PRKDC: variants seen among roughly 807,000 people sequenced by gnomAD.
PRKDC encodes DNA-dependent protein kinase catalytic subunit.
Under a neutral mutation model 486.9 loss-of-function variants are expected in PRKDC, and 82 were observed. That is an observed-to-expected ratio of 0.17 (90% CI 0.14 to 0.20). PRKDC has a LOEUF of 0.20. PRKDC is among the 10% of genes least tolerant of loss of function. The pLI is 1.00. For synonymous variants in PRKDC, 1,895 were observed against 1,837.0 expected, an observed-to-expected ratio of 1.03 and a Z score of -0.81; for missense variants, 4,504 against 5,038.2, an observed-to-expected ratio of 0.89 and a Z score of 3.21.
Position 47,890,281 on chromosome 8 carries a change from T to C in PRKDC, c.4047A>G (p.Leu1349=). Residue 1349 remains leucine (L), a synonymous_variant, in exon 32 of 86, where the codon CTA becomes CTG. Coordinates refer to ENST00000314191, the MANE Select transcript of PRKDC (RefSeq NM_006904.7). The part of the protein sequence containing the change: ...VRIMEFTTTL[L]NTSPEGWKLL... ...CCTTCCATCCTTCCGGGGAGGTGTT[T>C]AGCAGAGTCGTGGTAAACTCCATAA... The C allele has an allele frequency of 6.2e-7, 1 of 1,612,002 alleles. No individual in the cohort carries two copies. The highest frequency in any genetic ancestry group is 1.1e-5 in the South Asian group (1 of 90,818).
intron 46 of PRKDC, among the ~76,000 whole-genome samples, chr8:47,859,276 T>C (rs1182133301): frequency 6.6e-6 from 1 of 152,086 alleles, no homozygotes; most frequent in Non-Finnish European, 1.5e-5. Context: ...CCCCCATCTA[T>C]GGTCACTCCT....
intron 45 of PRKDC, 122 bp downstream of exon 45, chr8:47,860,777 G>C: frequency 1.5e-6 from 1 of 673,194 alleles, no homozygotes; most frequent in Non-Finnish European, 2.4e-6. Context: ...AATGTTTTAG[G>C]GTACTTAAAG....
chr8:47,904,604 C>T (rs564014425), intron 26 of PRKDC, among the ~76,000 whole-genome samples: 1 of 152,216 alleles, frequency 6.6e-6, no homozygotes, highest in Admixed American at 6.5e-5. Flanking sequence ...CCAGCCTGGC[C>T]AACAAAGTGA....
intron 1 of PRKDC, chr8:47,959,242 A>C (rs1393554266): frequency 6.6e-6 from 1 of 152,258 alleles, no homozygotes; most frequent in Non-Finnish European, 1.5e-5. Flanking sequence ...CAAAGGGGAA[A>C]AAGTTCCCAC....
At chr8:47,947,012 T>G (rs1563818637) in intron 7 of PRKDC, among the ~76,000 whole-genome samples, 1 of 152,138 alleles carries the variant, frequency 6.6e-6, no homozygotes, top group African/African-American at 2.4e-5. Context: ...AGATCCCAGC[T>G]CAGAAAACTG....
chr8:47,915,355 C>T lies in PRKDC; in HGVS notation c.2590G>A (p.Gly864Arg). ...RVVQMLGSLG[G>R]QINKNLLTVT... is the part of the protein sequence containing the mutation. ...GTCAGAAGATTTTTGTTTATTTGTC[C>T]TCCTAGAGATCCAAGCATTTGTACT... Residue 864 changes from glycine (G) to arginine (R), a missense_variant, in exon 23 of 86, where the codon GGA (glycine) becomes AGA (arginine). Transcript: ENST00000314191. 6.4e-7 allele frequency: 1 copy of T among 1,562,542 alleles called. No individual in the cohort carries two copies. Among genetic ancestry groups the T allele is most frequent in the Non-Finnish European group, 8.7e-7 (1 of 1,150,250 alleles).
intron 45 of PRKDC, among the ~76,000 whole-genome samples, chr8:47,860,627 G>A (rs1444919725): frequency 6.6e-6 from 1 of 152,184 alleles, no homozygotes; most frequent in Non-Finnish European, 1.5e-5. Flanking sequence ...AGCTAATTTT[G>A]TATTTTTAAA....
chr8:47,914,106 T>C, intron 23 of PRKDC, 42 bp from the exon 24 acceptor site: 1 of 1,383,460 alleles, frequency 7.2e-7, no homozygotes. Context: ...CTTTTTTTCT[T>C]TTTATTAGTG....
In PRKDC at chr8:47,807,289, G is replaced by A. The variant is rs767957426; in HGVS notation, c.9595C>T (p.Pro3199Ser). 2 of 1,600,160 alleles carry A rather than the reference G, an allele frequency of 1.2e-6. No homozygotes were observed. The highest frequency in any genetic ancestry group is 1.1e-5 in the South Asian group (1 of 88,956). Residue 3199 changes from proline to serine, a missense_variant, in exon 69 of 86, where the codon CCT becomes TCT. This residue lies in a region of PRKDC where 1,592 missense variants were observed against 1,724.6 expected (regional missense o/e 0.92). Transcript: ENST00000314191. Reference sequence around the variant, plus strand: ...TTCATACTATTATCTTCTGGAAGAGGGGTAAGCTTCTCCTCTATTTTGCTG... The same window carrying A: ...TTCATACTATTATCTTCTGGAAGAGAGGTAAGCTTCTCCTCTATTTTGCTG... ...FLSKIEEKLT[P>S]LPEDNSMNVD... is the part of the protein sequence containing the mutation.
chr8:47,922,069 C>T (rs568980261), intron 21 of PRKDC, among the ~76,000 whole-genome samples: 11 of 151,336 alleles, frequency 7.3e-5, no homozygotes, highest in African/African-American at 2.7e-4. Flanking sequence ...GCGTGAGCCA[C>T]TGCACCCAGC....
chr8:47,958,717 G>A (rs2090754815), intron 1 of PRKDC, among the ~76,000 whole-genome samples: 2 of 151,748 alleles, frequency 1.3e-5, no homozygotes, highest in South Asian at 2.1e-4. Context: ...AGTACATATA[G>A]GATACATGTA....
intron 30 of PRKDC, among the ~76,000 whole-genome samples, chr8:47,895,312 G>T (rs557020041): frequency 9.8e-5 from 15 of 152,296 alleles, no homozygotes; most frequent in African/African-American, 3.4e-4. Flanking sequence ...ATCAAGGAAG[G>T]CTCCTTAATG....
rs1177830238 is a variant in PRKDC, at chr8:47,800,881, C to T, written c.10028G>A (p.Ser3343Asn). ...TYRIIANALS[S>N]EPACLAEIEE... ...GATTTCAGCAAGGCAGGCTGGCTCA[C>T]TGCTGAGAGCATTCGCTATGATCCT... is the stretch of plus-strand genomic sequence containing the variant. The change falls in exon 71 of 86, where the codon AGT becomes AAT. Residue 3343 changes from serine (S) to asparagine (N), a missense_variant. By Grantham distance (46) the Ser-to-Asn change is conservative (BLOSUM62 1). Around this residue, in one of 6 missense-constraint regions of PRKDC, gnomAD observed 1,592 missense variants for 1,724.6 expected, o/e 0.92. Coordinates refer to ENST00000314191, the MANE Select transcript of PRKDC (RefSeq NM_006904.7). 6.2e-7 allele frequency: 1 copy of T among 1,613,774 alleles called. No individual in the cohort carries two copies. Among genetic ancestry groups the T allele is most frequent in the Admixed American group, 1.7e-5 (1 of 59,990 alleles).
At chr8:47,882,540 C>T (rs1047596959) in intron 36 of PRKDC, among the ~76,000 whole-genome samples, 11 of 152,176 alleles carry the variant, frequency 7.2e-5, no homozygotes, top group African/African-American at 2.7e-4. Context: ...AACATGCACC[C>T]AAGCACATAC....
chr8:47,839,994 A>T, intron 55 of PRKDC, 22 bp downstream of exon 55: 1 of 1,500,858 alleles, frequency 6.7e-7, no homozygotes, highest in Non-Finnish European at 9.0e-7. Flanking sequence ...TAACAAAATA[A>T]AATAGTCAAT....
rs555977984 is a variant in PRKDC at position 47,894,911 on chromosome 8, C to CA, written c.3599-1525dup. On this transcript the variant is annotated intron_variant, in intron 30 of 85. Transcript: ENST00000314191. ...TATTAATACCAAGACCCTATCTCTA[C>CA]AAAAAAACTTAAAAATGAGCCAGGC... Among the ~76,000 whole-genome samples the CA allele has an allele frequency of 4.9e-4, 75 of 152,192 alleles. No individual in the cohort carries two copies. In the East Asian group the frequency reaches 9.5e-3, roughly 19 times the overall value.
intron 5 of PRKDC, 134 bp from the exon 6 acceptor site, chr8:47,954,053 G>C (rs1030916809): frequency 1.8e-6 from 1 of 560,756 alleles, no homozygotes; most frequent in African/African-American, 1.9e-5. Context: ...AAAATATAAA[G>C]CTTTTAGGAC....
Position 47,782,045 on chromosome 8 carries a change from G to C in PRKDC, c.11489+117C>G. ...TCCATTTGGTTTATTGACCCAGCCAGCAGACTGCGGGGCAGGCAGTGTGGG... is the reference window on the plus strand; with the variant it reads ...TCCATTTGGTTTATTGACCCAGCCACCAGACTGCGGGGCAGGCAGTGTGGG... On this transcript the variant is annotated intron_variant, in intron 80 of 85. Transcript: ENST00000314191. This position sits in a 1 kb window ranked among gnomAD's most constrained non-coding sequence, Gnocchi z 4.9. 1 of 813,128 alleles carries C rather than the reference G, an allele frequency of 1.2e-6. No homozygotes were observed. The highest frequency in any genetic ancestry group is 2.0e-6 in the Non-Finnish European group (1 of 501,640). 50.4% of individuals were successfully genotyped at this position (813,128 alleles called of 1,614,324 possible).
At chr8:47,906,838 A>G (rs1193794482) in intron 25 of PRKDC, among the ~76,000 whole-genome samples, 2 of 151,376 alleles carry the variant, frequency 1.3e-5, no homozygotes, top group East Asian at 3.9e-4. Flanking sequence ...ATGATGCAAA[A>G]TGTCCCAGGG....
Sources: allele counts gnomAD v4.1 joint callset (sites outside exome capture counted in the v4.1 genomes callset), GRCh38; gene constraint gnomAD v4.1.1; regional missense constraint gnomAD v4.1.1; non-coding constraint Gnocchi (gnomAD v3.1); transcripts MANE v1.5; gene names NCBI Gene and HGNC (gene_info 2026-07-23, HGNC 2026-07-21).